MYT1L: variants seen among roughly 807,000 people sequenced by gnomAD.
MYT1L encodes the protein myelin transcription factor 1 like.
Under a neutral mutation model 126.7 loss-of-function variants are expected in MYT1L, and 12 were observed. That is an observed-to-expected ratio of 0.09 (90% CI 0.06 to 0.15). The LOEUF (loss-of-function observed/expected upper bound fraction) is 0.15, where lower values mean the gene tolerates loss of function less well. MYT1L is among the 10% of genes least tolerant of loss of function. The probability of loss-of-function intolerance (pLI) is 1.00; values close to 1 mark genes in which losing one functional copy is unlikely to be tolerated. For synonymous variants in MYT1L, 541 were observed against 604.2 expected, an observed-to-expected ratio of 0.90 and a Z score of 1.53; for missense variants, 979 against 1,585.2, an observed-to-expected ratio of 0.62 and a Z score of 6.49.
At chr2:2,264,118 AC>A (rs2095061350) in intron 2 of MYT1L, among the ~76,000 whole-genome samples, 1 of 152,206 alleles carries the variant, frequency 6.6e-6, no homozygotes, top group Non-Finnish European at 1.5e-5. Context: ...ACCTTGACTG[AC>A]CCTGAAGCCC....
chr2:1,946,605 T>A (rs2057250623), intron 8 of MYT1L, among the ~76,000 whole-genome samples: 2 of 152,146 alleles, frequency 1.3e-5, no homozygotes, highest in Non-Finnish European at 2.9e-5. Flanking sequence ...CCTGAAACAC[T>A]AGGGTGAAAC....
intron 14 of MYT1L, among the ~76,000 whole-genome samples, chr2:1,899,257 C>T (rs569653428): frequency 6.6e-4 from 101 of 152,364 alleles, no homozygotes; most frequent in South Asian, 5.6e-3. Context: ...GTGGGAGCAA[C>T]CGCAGCCTGC....
At chr2:2,194,617 A>G (rs548062470) in intron 2 of MYT1L, among the ~76,000 whole-genome samples, 3 of 152,114 alleles carry the variant, frequency 2.0e-5, no homozygotes, top group Non-Finnish European at 4.4e-5. Flanking sequence ...TTTCAGAAGC[A>G]GTAGAGTGTC....
At position 2,059,260 on chromosome 2, in the gene MYT1L, G is replaced by A. The variant is rs1039725375; in HGVS notation, c.-303-5137C>T. On this transcript the variant is annotated intron_variant, in intron 3 of 24. Coordinates refer to ENST00000647738, the MANE Select transcript of MYT1L (RefSeq NM_001303052.2). The surrounding 1 kb of genome is among the most constrained non-coding windows in gnomAD (Gnocchi z 4.7). ...TCTGGGTGAGGGCATCAACGGGGTCGCAACTGCTTTTCGCAGGATTGTTTT... is the reference window on the plus strand; with the variant it reads ...TCTGGGTGAGGGCATCAACGGGGTCACAACTGCTTTTCGCAGGATTGTTTT... 1.3e-5 allele frequency among the ~76,000 whole-genome samples: 2 copies of A among 152,086 alleles called. No individual in the cohort carries two copies. The highest frequency in any genetic ancestry group is 4.8e-5 in the African/African-American group (2 of 41,366).
chr2:2,291,330 G>A (rs571257735), intron 1 of MYT1L, among the ~76,000 whole-genome samples: 3 of 152,280 alleles, frequency 2.0e-5, no homozygotes, highest in Admixed American at 2.0e-4. Context: ...AAATGTTCTG[G>A]GCTCAGGACA....
At chr2:2,273,980 C>T (rs1365843197) in intron 2 of MYT1L, among the ~76,000 whole-genome samples, 5 of 151,936 alleles carry the variant, frequency 3.3e-5, no homozygotes. Context: ...AAATACTTTT[C>T]AAATGAATAT....
chr2:1,791,885 C>G lies in MYT1L; in HGVS notation c.3543G>C (p.Val1181=), dbSNP rs1449773389. The part of the protein sequence containing the change: ...KALLENIKQA[V]RGIQV ...CAGCTGTTCAGACCTGAATTCCTCT[C>G]ACAGCCTGCTTTATATTTTCCAGTA... Residue 1181 remains valine, a synonymous_variant, in exon 25 of 25, where the codon GTG becomes GTC. Coordinates refer to ENST00000647738, the MANE Select transcript of MYT1L (RefSeq NM_001303052.2). This position sits in a 1 kb window ranked among gnomAD's most constrained non-coding sequence, Gnocchi z 6.0. The G allele has an allele frequency of 6.2e-7, 1 of 1,605,924 alleles. No individual in the cohort carries two copies. The highest frequency in any genetic ancestry group is 8.5e-7 in the Non-Finnish European group (1 of 1,177,856).
chr2:1,903,165 G>A lies in MYT1L; in HGVS notation c.1947C>T (p.Asn649=), dbSNP rs765607514. ...EKYSKTSFEY[N]SYDNHTYGKR... The stretch of plus-strand genomic sequence containing the variant: ...TGCCATAAGTATGGTTGTCGTAACT[G>A]TTGTATTCAAACGAGGTCTTGGAAT... The change falls in exon 14 of 25, where the codon AAC becomes AAT. Residue 649 remains asparagine, a synonymous_variant. Transcript: ENST00000647738. 5 of 1,613,890 alleles carry A rather than the reference G, an allele frequency of 3.1e-6. No homozygotes were observed. The African/African-American group carries it at 5.3e-5, about 17-fold the overall frequency.
chr2:1,893,089 C>T (rs1215047902), intron 14 of MYT1L, among the ~76,000 whole-genome samples: 6 of 152,198 alleles, frequency 3.9e-5, no homozygotes, highest in South Asian at 2.1e-4. Context: ...CTGACCCTCA[C>T]TGACACGATT....
At position 1,904,535 on chromosome 2, in the gene MYT1L, A is replaced by AT. The variant is rs554973072; in HGVS notation, c.1818-1242dup. 6.0e-5 allele frequency among the ~76,000 whole-genome samples: 9 copies of AT among 150,570 alleles called. No individual in the cohort carries two copies. The South Asian group carries it at 1.5e-3, about 25-fold the overall frequency. ...AGGCGTGCACCACCACACCTGGCTA[A>AT]TTTTTTTGCATTTTCAGTGGAGACA... On this transcript the variant is annotated intron_variant, in intron 13 of 24. Transcript: ENST00000647738.
At chr2:2,220,300 A>G (rs2093819673) in intron 2 of MYT1L, among the ~76,000 whole-genome samples, 1 of 152,170 alleles carries the variant, frequency 6.6e-6, no homozygotes. Context: ...ATGGTTCAGA[A>G]AGGCGGGACA....
chr2:2,151,693 T>A (rs1245921454), intron 3 of MYT1L, among the ~76,000 whole-genome samples: 1 of 152,198 alleles, frequency 6.6e-6, no homozygotes, highest in Non-Finnish European at 1.5e-5. Flanking sequence ...AGGATAAAGT[T>A]TAATTTATAA....
chr2:2,105,598 G>C (rs894703746), intron 3 of MYT1L, among the ~76,000 whole-genome samples: 1 of 152,132 alleles, frequency 6.6e-6, no homozygotes, highest in East Asian at 1.9e-4. Flanking sequence ...CAGTGGGGCT[G>C]GGTTACTAGT....
intron 18 of MYT1L, among the ~76,000 whole-genome samples, chr2:1,877,307 T>C (rs573193032): frequency 1.6e-4 from 25 of 152,336 alleles, no homozygotes; most frequent in African/African-American, 5.3e-4. Flanking sequence ...ATATGACTTA[T>C]ATGCTAAGCA....
intron 1 of MYT1L, among the ~76,000 whole-genome samples, chr2:2,300,905 G>C (rs2095771914): frequency 6.6e-6 from 1 of 152,114 alleles, no homozygotes; most frequent in East Asian, 1.9e-4. Context: ...CCTGATTTTT[G>C]CTGTGCCATA....
chr2:2,161,610 C>T (rs899869158), intron 3 of MYT1L, among the ~76,000 whole-genome samples: 1 of 152,166 alleles, frequency 6.6e-6, no homozygotes. Context: ...TGTGTCATTA[C>T]ATTTCCCAGG....
intron 3 of MYT1L, among the ~76,000 whole-genome samples, chr2:2,171,837 C>T (rs1474178887): frequency 6.6e-6 from 1 of 152,076 alleles, no homozygotes; most frequent in Non-Finnish European, 1.5e-5. Flanking sequence ...GGAAGACAAT[C>T]CCAGCCTCTA....
intron 18 of MYT1L, among the ~76,000 whole-genome samples, chr2:1,866,344 A>G (rs1478174591): frequency 6.6e-6 from 1 of 151,994 alleles, no homozygotes; most frequent in East Asian, 1.9e-4. Context: ...CACAGCTTCC[A>G]TAGGTGTGGA....
At chr2:2,057,660 G>A (rs1006780182) in intron 3 of MYT1L, among the ~76,000 whole-genome samples, 2 of 152,102 alleles carry the variant, frequency 1.3e-5, no homozygotes, top group Non-Finnish European at 2.9e-5. Flanking sequence ...GTTTCCTGTC[G>A]TTTTGTTATT....
Sources: gnomAD v4.1 joint callset for allele counts (sites outside exome capture counted in the v4.1 genomes callset) on GRCh38, gnomAD v4.1.1 for gene constraint, Gnocchi (gnomAD v3.1) non-coding constraint, MANE v1.5 for transcripts, NCBI Gene and HGNC (gene_info 2026-07-23, HGNC 2026-07-21) for gene names.